The following TESC variants were observed in gnomAD, a reference collection of about 807,000 sequenced individuals.
TESC encodes the protein calcineurin B homologous protein 3.
A neutral mutation model predicts 31.0 loss-of-function variants in TESC; 19 were observed. The ratio of observed to expected loss-of-function variants is 0.61; its 90% CI spans 0.43 to 0.90. The LOEUF is 0.90. TESC is among the 40% of genes least tolerant of loss of function. TESC has a pLI of 0.00. For synonymous variants in TESC, 109 were observed against 114.8 expected (o/e 0.95, Z 0.32); for missense variants, 248 against 303.8 (o/e 0.82, Z 1.36).
At chr12:117,069,271 G>T (rs761029828) in intron 2 of TESC, among the ~76,000 whole-genome samples, 22 of 152,056 alleles carry the variant, frequency 1.4e-4, no homozygotes, top group Admixed American at 4.6e-4. Context: ...ACAGAATCTC[G>T]CTCTGTCACC....
intron 1 of TESC, among the ~76,000 whole-genome samples, chr12:117,078,438 C>G (rs552178196): frequency 3.3e-5 from 5 of 152,184 alleles, no homozygotes; most frequent in East Asian, 3.9e-4. Context: ...TGCACTCCAG[C>G]CTTGGCAAGA....
intron 1 of TESC, 120 bp from the exon 2 acceptor site, chr12:117,075,460 A>ATC (rs1955037964): frequency 3.0e-6 from 3 of 1,002,506 alleles, no homozygotes; most frequent in Non-Finnish European, 4.4e-6. Flanking sequence ...TTCTCAAAGC[A>ATC]TCTCCCACCA....
intron 1 of TESC, among the ~76,000 whole-genome samples, chr12:117,095,016 C>CAAA (rs758816373): frequency 0.01 from 1,304 of 124,432 alleles, 11 homozygotes; most frequent in Non-Finnish European, 0.018. Context: ...AAATTCATCT[C>CAAA]AAAAAAAAAA....
At chr12:117,082,460 C>T (rs1955161718) in intron 1 of TESC, among the ~76,000 whole-genome samples, 1 of 151,282 alleles carries the variant, frequency 6.6e-6, no homozygotes, top group Non-Finnish European at 1.5e-5. Context: ...GCCAAGAGTG[C>T]CATCACACTC....
rs1024872470 is a variant in TESC at position 117,075,179 on chromosome 12, C to A, written c.128+92G>T. 9 of 1,268,240 alleles carry A rather than the reference C, an allele frequency of 7.1e-6. No homozygotes were observed. In the African/African-American group the frequency reaches 1.4e-4, roughly 19 times the overall value. 78.6% of individuals were successfully genotyped at this position (1,268,240 alleles called of 1,614,324 possible). Reference sequence around the variant, plus strand: ...ATAAAAAATAAAAAGAAAACAACTACCCCCGCTACTCAGCACTCAAGAAAA... The same window carrying A: ...ATAAAAAATAAAAAGAAAACAACTAACCCCGCTACTCAGCACTCAAGAAAA... On this transcript the variant is annotated intron_variant, in intron 2 of 7. Transcript: ENST00000335209.
At chr12:117,072,311 G>A (rs1954985378) in intron 2 of TESC, among the ~76,000 whole-genome samples, 1 of 152,124 alleles carries the variant, frequency 6.6e-6, no homozygotes, top group Admixed American at 6.5e-5. Flanking sequence ...TGCCCAGGTT[G>A]GGCTCAAGCG....
chr12:117,058,309 A>G (rs769808910), intron 2 of TESC, among the ~76,000 whole-genome samples: 7 of 152,156 alleles, frequency 4.6e-5, no homozygotes, highest in African/African-American at 7.2e-5. Flanking sequence ...CACATATTAC[A>G]TAATTCCATT....
rs111865076 is a variant in TESC, at chr12:117,056,698, C to T, written c.209+108G>A. 25 of 1,263,794 alleles carry T rather than the reference C, an allele frequency of 2.0e-5. No homozygotes were observed. The African/African-American group carries it at 2.3e-4, about 12-fold the overall frequency. 78.3% of individuals were successfully genotyped at this position (1,263,794 alleles called of 1,614,324 possible). A position where few individuals can be genotyped will look rare whatever the true frequency, so the allele number is the denominator to read the frequency against. On this transcript the variant is annotated intron_variant, in intron 3 of 7. Transcript: ENST00000335209. ...TCATAACCCCTACCCAGCTTGGCCC[C>T]CTCTTCTGGGCATCAGCTCAAAGGG...
chr12:117,092,575 G>A (rs1408325502), intron 1 of TESC, among the ~76,000 whole-genome samples: 5 of 152,236 alleles, frequency 3.3e-5, no homozygotes, highest in African/African-American at 4.8e-5. Context: ...CTTTGTGGAT[G>A]ACTCCAGGCC....
intron 3 of TESC, among the ~76,000 whole-genome samples, chr12:117,049,708 C>G (rs990391355): frequency 6.6e-6 from 1 of 152,038 alleles, no homozygotes; most frequent in Admixed American, 6.5e-5. Context: ...CGAGACCAGC[C>G]TGGCCAACAT....
chr12:117,072,476 C>T (rs141332263), intron 2 of TESC, among the ~76,000 whole-genome samples: 15 of 152,252 alleles, frequency 9.9e-5, no homozygotes, highest in African/African-American at 3.4e-4. Context: ...GTAACCAGCC[C>T]GAAGCCACAA....
chr12:117,058,143 C>A (rs904289943), intron 2 of TESC, among the ~76,000 whole-genome samples: 3 of 152,036 alleles, frequency 2.0e-5, no homozygotes, highest in African/African-American at 7.2e-5. Flanking sequence ...TTGCTTGAAT[C>A]CGGGAGGTGG....
intron 1 of TESC, among the ~76,000 whole-genome samples, chr12:117,086,060 C>T (rs1955215795): frequency 6.6e-6 from 1 of 152,108 alleles, no homozygotes; most frequent in African/African-American, 2.4e-5. Flanking sequence ...CTGCAGGATG[C>T]TATTTACATG....
At chr12:117,050,752 G>C (rs1169363817) in intron 3 of TESC, among the ~76,000 whole-genome samples, 13 of 152,192 alleles carry the variant, frequency 8.5e-5, no homozygotes, top group Non-Finnish European at 1.5e-5. Flanking sequence ...GGGCAACAGG[G>C]AGAAACCCTG....
rs565872050 is a variant in TESC, at chr12:117,092,598, C to A, written c.58+6627G>T. Among the ~76,000 whole-genome samples the A allele has an allele frequency of 3.9e-5, 6 of 152,308 alleles. No individual in the cohort carries two copies. The South Asian group carries it at 1.0e-3, about 26-fold the overall frequency. Reference sequence around the variant, plus strand: ...ATGACTCCAGGCCAGGGTCTCCCCCCGCCCCAGAGCTCAGCATACAGGACT... The same window carrying A: ...ATGACTCCAGGCCAGGGTCTCCCCCAGCCCCAGAGCTCAGCATACAGGACT... On this transcript the variant is annotated intron_variant, in intron 1 of 7. Transcript: ENST00000335209.
At chr12:117,071,657 G>C (rs1434043892) in intron 2 of TESC, among the ~76,000 whole-genome samples, 1 of 152,222 alleles carries the variant, frequency 6.6e-6, no homozygotes, top group African/African-American at 2.4e-5. Flanking sequence ...GCTTGTGCAA[G>C]GGTGCTACAT....
rs979965735 is a variant in TESC at position 117,046,583 on chromosome 12, C to T, written c.495G>A (p.Ala165=). 1.0e-5 allele frequency: 16 copies of T among 1,550,852 alleles called. No homozygotes were observed. The East Asian group carries it at 1.2e-4, about 12-fold the overall frequency. Residue 165 remains alanine (A), a synonymous_variant, in exon 6 of 8, where the codon GCG becomes GCA. Coordinates refer to ENST00000335209, the MANE Select transcript of TESC (RefSeq NM_017899.4). ...CCATCTGCCCCATGCACACGCTGGC[C>T]GCCTCCATCATGGCCCCGTCGGCGA... is the stretch of plus-strand genomic sequence containing the variant. The part of the protein sequence containing the change: ...RSIADGAMME[A]ASVCMGQMEP...
At chr12:117,075,203 A>G in intron 2 of TESC, 68 bp downstream of exon 2, 1 of 1,517,662 alleles carries the variant, frequency 6.6e-7, no homozygotes, top group Non-Finnish European at 9.0e-7. Context: ...CACTCAAGAA[A>G]AGAAACAGGA....
At chr12:117,050,139 CAA>C (rs1005308724) in intron 3 of TESC, among the ~76,000 whole-genome samples, 1 of 77,730 alleles carries the variant, frequency 1.3e-5, no homozygotes. Flanking sequence ...AAATGCTTGC[CAA>C]AAAAAAAAAA....
Sources: gnomAD v4.1 joint callset for allele counts (sites outside exome capture counted in the v4.1 genomes callset) on GRCh38, gnomAD v4.1.1 for gene constraint, MANE v1.5 for transcripts, NCBI Gene and HGNC (gene_info 2026-07-23, HGNC 2026-07-21) for gene names.